UBAP2L: variants seen among roughly 807,000 people sequenced by gnomAD.
UBAP2L encodes the protein ubiquitin-associated protein 2-like.
A neutral mutation model predicts 130.6 loss-of-function variants in UBAP2L; 12 were observed. The observed-to-expected ratio is 0.09, with a 90% CI of 0.06 to 0.15. The LOEUF is 0.15. Among genes scored for constraint, UBAP2L ranks in the 10% least tolerant of loss-of-function variants. The pLI is 1.00. For missense variants in UBAP2L, 965 were observed against 1,332.5 expected (o/e 0.72, Z 4.29); for synonymous variants, 503 against 524.7 (o/e 0.96, Z 0.57).
chr1:154,256,500 A>C (rs72696255), intron 18 of UBAP2L, among the ~76,000 whole-genome samples: 14 of 152,230 alleles, frequency 9.2e-5, no homozygotes, highest in Non-Finnish European at 1.9e-4. Flanking sequence ...TTGGCCAAGC[A>C]TGGTGGTACA....
upstream of UBAP2L, chr1:154,220,446 CG>C: frequency 6.2e-7 from 1 of 1,613,038 alleles, no homozygotes; most frequent in Non-Finnish European, 8.5e-7. Flanking sequence ...GGGTTTACCC[CG>C]CTGTCCTGGC....
At chr1:154,246,128 C>G in intron 10 of UBAP2L, 76 bp from the exon 11 acceptor site, 1 of 1,485,902 alleles carries the variant, frequency 6.7e-7, no homozygotes, top group East Asian at 2.3e-5. Context: ...TCATTTTGAT[C>G]TAATCTGATT....
chr1:154,236,509 G>A, intron 6 of UBAP2L, 57 bp from the exon 7 acceptor site: 16 of 1,601,472 alleles, frequency 1.0e-5, no homozygotes, highest in Non-Finnish European at 1.4e-5. Context: ...TGGCAAGGAA[G>A]TTTTATATCA....
intron 4 of UBAP2L, among the ~76,000 whole-genome samples, chr1:154,231,558 C>G (rs536569407): frequency 6.6e-6 from 1 of 152,076 alleles, no homozygotes; most frequent in Non-Finnish European, 1.5e-5. Flanking sequence ...TCCTTGGCCT[C>G]GGAAAGTGCT....
intron 17 of UBAP2L, 151 bp downstream of exon 17, chr1:154,255,477 G>A: frequency 8.2e-7 from 1 of 1,219,596 alleles, no homozygotes; most frequent in Non-Finnish European, 1.1e-6. Flanking sequence ...TGAAGACAGA[G>A]GAGGCTTGTT....
chr1:154,259,864 T>C, intron 21 of UBAP2L, 84 bp from the exon 22 acceptor site: 1 of 1,392,560 alleles, frequency 7.2e-7, no homozygotes, highest in Non-Finnish European at 1.0e-6. Context: ...CTCACATTCT[T>C]CTGTTTTTTC....
At chr1:154,255,878 G>T (rs1679467462) in intron 18 of UBAP2L, 123 bp downstream of exon 18, 2 of 1,220,710 alleles carry the variant, frequency 1.6e-6, no homozygotes, top group Non-Finnish European at 2.4e-6. Context: ...TTGATTTGAG[G>T]TTGCAGGAAA....
At chr1:154,224,916 A>C (rs1233925336) in intron 1 of UBAP2L, among the ~76,000 whole-genome samples, 168 bp from the exon 2 acceptor site, 1 of 152,270 alleles carries the variant, frequency 6.6e-6, no homozygotes, top group Non-Finnish European at 1.5e-5. Flanking sequence ...ATTAACAGCC[A>C]TAGCTCCTTA....
intron 9 of UBAP2L, 84 bp downstream of exon 9, chr1:154,241,649 C>T: frequency 3.8e-6 from 6 of 1,579,452 alleles, no homozygotes; most frequent in Non-Finnish European, 5.2e-6. Context: ...GTTTCTACCC[C>T]TCAAAATTCA....
Position 154,249,334 on chromosome 1 carries a change from A to G in UBAP2L, c.1110A>G (p.Gln370=), listed in dbSNP as rs755075789. Residue 370 remains glutamine, a synonymous_variant, in exon 12 of 27, where the codon CAA becomes CAG. Transcript: ENST00000428931. ...SQFLEQFKTA[Q]ALAQLAAQHS... is the part of the protein sequence containing the mutation. ...TCTTGGAGCAATTCAAGACTGCCCA[A>G]GCCCTGGCTCAGTTGGCAGCTCAGC... 1.2e-6 allele frequency: 2 copies of G among 1,614,198 alleles called. No individual in the cohort carries two copies. The highest frequency in any genetic ancestry group is 1.3e-5 in the African/African-American group (1 of 75,050).
At chr1:154,249,864 CAAA>C (rs1187501487) in intron 12 of UBAP2L, among the ~76,000 whole-genome samples, 31 of 61,158 alleles carry the variant, frequency 5.1e-4, no homozygotes, top group African/African-American at 8.9e-4. Context: ...TAGCTTTCCG[CAAA>C]AAAAAAAAAA....
intron 24 of UBAP2L, among the ~76,000 whole-genome samples, chr1:154,263,670 C>G (rs1214383061): frequency 6.6e-6 from 1 of 152,148 alleles, no homozygotes; most frequent in Non-Finnish European, 1.5e-5. Flanking sequence ...GAAACAGCCT[C>G]AGTTTCCCAC....
intron 18 of UBAP2L, among the ~76,000 whole-genome samples, chr1:154,256,513 C>G (rs920603667): frequency 6.6e-6 from 1 of 152,040 alleles, no homozygotes; most frequent in African/African-American, 2.4e-5. Flanking sequence ...GTGGTACATT[C>G]GTAGAGTCCT....
chr1:154,242,757 C>A (rs1004646721), intron 9 of UBAP2L, among the ~76,000 whole-genome samples: 1 of 152,014 alleles, frequency 6.6e-6, no homozygotes, highest in Non-Finnish European at 1.5e-5. Context: ...GCACTTGGGC[C>A]CTTACTGCTC....
intron 23 of UBAP2L, 109 bp downstream of exon 23, chr1:154,261,218 T>TG: frequency 7.9e-7 from 1 of 1,267,660 alleles, no homozygotes; most frequent in Non-Finnish European, 1.1e-6. Context: ...GGAGGAACAG[T>TG]TTCCACCTCT....
chr1:154,223,755 C>T (rs1403601206), intron 1 of UBAP2L, among the ~76,000 whole-genome samples: 1 of 152,174 alleles, frequency 6.6e-6, no homozygotes, highest in Non-Finnish European at 1.5e-5. Flanking sequence ...AATTTATGCA[C>T]AGAAAAAGTC....
chr1:154,248,108 C>T lies in UBAP2L; in HGVS notation c.1015-1131C>T, dbSNP rs150509398. On this transcript the variant is annotated intron_variant, in intron 11 of 26. Coordinates refer to ENST00000428931, the MANE Select transcript of UBAP2L (RefSeq NM_014847.4). ...TCAGCCTCCTGAGTAGCTGGGGTTA[C>T]AGGCGCCCGCCACCACGCTTGGCTA... Among the ~76,000 whole-genome samples the T allele has an allele frequency of 5.8e-3, 881 of 152,166 alleles. 12 individuals are homozygous for T. The highest frequency in any genetic ancestry group is 0.024 in the Middle Eastern group (7 of 294).
intron 8 of UBAP2L, among the ~76,000 whole-genome samples, chr1:154,239,402 G>A (rs1672756463): frequency 6.6e-6 from 1 of 152,050 alleles, no homozygotes; most frequent in Non-Finnish European, 1.5e-5. Flanking sequence ...CTGTGGATAT[G>A]TCATTTTTAT....
At chr1:154,263,396 C>T in intron 24 of UBAP2L, 1 of 1,283,148 alleles carries the variant, frequency 7.8e-7, no homozygotes, top group Non-Finnish European at 9.8e-7. Context: ...ACCTTCGAAG[C>T]ATCAATGCAC....
Sources: gnomAD v4.1 joint callset for allele counts (sites outside exome capture counted in the v4.1 genomes callset) on GRCh38, gnomAD v4.1.1 for gene constraint, MANE v1.5 for transcripts, NCBI Gene and HGNC (gene_info 2026-07-23, HGNC 2026-07-21) for gene names.